Variants in PBX1 observed in about 807,000 individuals in gnomAD.
The protein encoded by PBX1 is PBX homeobox 1, also known as pre-B-cell leukemia transcription factor 1.
Under a neutral mutation model 53.4 loss-of-function variants are expected in PBX1, and 6 were observed. That is an observed-to-expected ratio of 0.11 (90% confidence interval 0.06 to 0.22). The LOEUF (loss-of-function observed/expected upper bound fraction) is 0.22, where lower values mean the gene tolerates loss of function less well. Ranked by LOEUF, PBX1 falls within the 10% of genes least tolerant of loss-of-function variation. PBX1 has a pLI of 1.00. For missense variants in PBX1, 251 were observed against 551.4 expected, an observed-to-expected ratio of 0.46 and a Z score of 5.46; for synonymous variants, 204 against 212.3, an observed-to-expected ratio of 0.96 and a Z score of 0.34.
chr1:164,695,804 G>A (rs1183973274), intron 2 of PBX1, among the ~76,000 whole-genome samples: 2 of 152,208 alleles, frequency 1.3e-5, no homozygotes, highest in African/African-American at 4.8e-5. Context: ...ATAAAAGCGA[G>A]AGAGCCCTGG....
chr1:164,611,267 TTA>T (rs1354073569), intron 2 of PBX1, among the ~76,000 whole-genome samples: 1 of 152,192 alleles, frequency 6.6e-6, no homozygotes, highest in Non-Finnish European at 1.5e-5. Flanking sequence ...AGACGGAGTC[TTA>T]CTCTGTCGCC....
At chr1:164,769,074 A>T (rs1233540619) in intron 2 of PBX1, 1 of 151,534 alleles carries the variant, frequency 6.6e-6, no homozygotes, top group Non-Finnish European at 1.5e-5. Flanking sequence ...AAAAAAAAAG[A>T]GGAAAGAAGG....
chr1:164,574,205 G>A (rs577804560), intron 2 of PBX1, among the ~76,000 whole-genome samples: 2 of 152,244 alleles, frequency 1.3e-5, no homozygotes, highest in South Asian at 4.1e-4. Context: ...AATCTTAAGT[G>A]TTCCCTAGAA....
At chr1:164,679,540 C>G (rs1201966341) in intron 2 of PBX1, among the ~76,000 whole-genome samples, 1 of 152,114 alleles carries the variant, frequency 6.6e-6, no homozygotes, top group Non-Finnish European at 1.5e-5. Context: ...TTCGTTTGAC[C>G]TTTTTATTTA....
At chr1:164,811,773 C>T (rs765866700) in intron 5 of PBX1, among the ~76,000 whole-genome samples, 5 of 152,224 alleles carry the variant, frequency 3.3e-5, no homozygotes, top group East Asian at 1.9e-4. Flanking sequence ...ACAGTGGTTT[C>T]GCTAAATTTC....
chr1:164,772,305 C>A (rs1667413937), intron 2 of PBX1, among the ~76,000 whole-genome samples: 3 of 152,166 alleles, frequency 2.0e-5, no homozygotes, highest in African/African-American at 7.2e-5. Context: ...GTTTAAACCC[C>A]TTTCAGGCAT....
At chr1:164,833,800 T>A (rs1419405985) in intron 8 of PBX1, among the ~76,000 whole-genome samples, 1 of 152,026 alleles carries the variant, frequency 6.6e-6, no homozygotes, top group African/African-American at 2.4e-5. Flanking sequence ...TCTGACTGGA[T>A]TTTCTGCCTG....
chr1:164,698,972 A>G (rs1381184135), intron 2 of PBX1, among the ~76,000 whole-genome samples: 1 of 152,244 alleles, frequency 6.6e-6, no homozygotes, highest in Admixed American at 6.5e-5. Flanking sequence ...ACCACAGCCC[A>G]TGCTATCAGC....
chr1:164,736,926 A>T (rs1665325189), intron 2 of PBX1, among the ~76,000 whole-genome samples: 1 of 152,214 alleles, frequency 6.6e-6, no homozygotes, highest in Non-Finnish European at 1.5e-5. Context: ...CAAAAAATAG[A>T]TAACATGTGA....
chr1:164,875,395 TG>T (rs755454695), intron 2 of PBX1, among the ~76,000 whole-genome samples: 2 of 152,160 alleles, frequency 1.3e-5, no homozygotes, highest in African/African-American at 2.4e-5. Context: ...CTTGACCTCT[TG>T]GGCTCAAGAG....
intron 2 of PBX1, among the ~76,000 whole-genome samples, chr1:164,705,043 G>T (rs1351061523): frequency 6.6e-6 from 1 of 152,100 alleles, no homozygotes; most frequent in African/African-American, 2.4e-5. Context: ...CTATAAAAAG[G>T]TTTCTCAACC....
At chr1:164,563,725 T>C (rs1357982360) in intron 2 of PBX1, among the ~76,000 whole-genome samples, 2 of 152,174 alleles carry the variant, frequency 1.3e-5, no homozygotes, top group Non-Finnish European at 1.5e-5. Context: ...AAGTTTCCTT[T>C]CCTTTTTTTC....
chr1:164,733,115 T>G (rs1665087382), intron 2 of PBX1, among the ~76,000 whole-genome samples: 1 of 152,184 alleles, frequency 6.6e-6, no homozygotes, highest in Admixed American at 6.5e-5. Context: ...TTCTCCCTAT[T>G]GGGCATCTTT....
At chr1:164,866,412 A>T (rs1672218840) in intron 2 of PBX1, among the ~76,000 whole-genome samples, 2 of 152,214 alleles carry the variant, frequency 1.3e-5, no homozygotes, top group South Asian at 4.1e-4. Context: ...AAGCACAGGA[A>T]ATGTCACCAG....
chr1:164,680,545 A>G (rs1000354451), intron 2 of PBX1: 1 of 152,180 alleles, frequency 6.6e-6, no homozygotes, highest in African/African-American at 2.4e-5. Flanking sequence ...CAGGGCTGCT[A>G]ATGTTTCTGA....
intron 2 of PBX1, among the ~76,000 whole-genome samples, chr1:164,774,947 G>A (rs1352348363): frequency 1.3e-5 from 2 of 152,162 alleles, no homozygotes; most frequent in Admixed American, 6.5e-5. Context: ...CTCTGCGTTC[G>A]GAAAAGAGGC....
At chr1:164,884,717 A>T (rs7548592) in intron 2 of PBX1, among the ~76,000 whole-genome samples, 1 of 151,868 alleles carries the variant, frequency 6.6e-6, no homozygotes, top group African/African-American at 2.4e-5. Flanking sequence ...CAGCCAAAAA[A>T]CTCTGGTGAG....
At chr1:164,703,679 A>G (rs1180128136) in intron 2 of PBX1, among the ~76,000 whole-genome samples, 2 of 152,206 alleles carry the variant, frequency 1.3e-5, no homozygotes, top group African/African-American at 4.8e-5. Context: ...GTTAATCAGA[A>G]TATGAGAAAC....
At chr1:164,715,445 C>G (rs1571274940) in intron 2 of PBX1, among the ~76,000 whole-genome samples, 1 of 152,146 alleles carries the variant, frequency 6.6e-6, no homozygotes, top group African/African-American at 2.4e-5. Flanking sequence ...TTGAGGTTCT[C>G]AGTAGCAGGA....
Sources: gnomAD v4.1 joint callset for allele counts (sites outside exome capture counted in the v4.1 genomes callset) on GRCh38, gnomAD v4.1.1 for gene constraint, MANE v1.5 for transcripts, NCBI Gene and HGNC (gene_info 2026-07-23, HGNC 2026-07-21) for gene names.